Variants in NPC1 observed in about 807,000 individuals in gnomAD.
NPC1 encodes Niemann-Pick C1 protein.
NPC1 carries 85 observed loss-of-function variants against 140.4 expected under a neutral mutation model. The observed-to-expected ratio is 0.61, with a 90% CI of 0.51 to 0.72. The LOEUF is 0.72. Among genes scored for constraint, NPC1 ranks in the 30% least tolerant of loss-of-function variants. NPC1 has a pLI of 0.00. For missense variants in NPC1, 1,504 were observed against 1,623.8 expected (o/e 0.93, Z 1.27); for synonymous variants, 656 against 624.8 (o/e 1.05, Z -0.74).
At chr18:23,510,760 C>T (rs1022683381) in intron 3 of NPC1, among the ~76,000 whole-genome samples, 7 of 152,182 alleles carry the variant, frequency 4.6e-5, no homozygotes, top group African/African-American at 1.4e-4. Context: ...AAATGCAAAT[C>T]AAAACCACAA....
chr18:23,508,158 C>T (rs971558452), intron 3 of NPC1: 6 of 870,890 alleles, frequency 6.9e-6, no homozygotes, highest in African/African-American at 1.7e-5. Context: ...GACTGTCCCT[C>T]ATGTTGATTC....
intron 1 of NPC1, among the ~76,000 whole-genome samples, chr18:23,579,883 T>TAA (rs56198549): frequency 1.2e-3 from 176 of 143,998 alleles, no homozygotes; most frequent in East Asian, 3.1e-3. Context: ...AGACTCCATC[T>TAA]AAAAAAAAAA....
intron 21 of NPC1, among the ~76,000 whole-genome samples, 161 bp downstream of exon 21, chr18:23,536,512 G>T (rs574544096): frequency 1.6e-4 from 25 of 152,284 alleles, no homozygotes; most frequent in Admixed American, 1.6e-3. Flanking sequence ...GAACTCCTTT[G>T]CCCAGCACCC....
rs780358749 is a variant in NPC1, at chr18:23,560,500, TGA to T, written c.632-22_632-21del. On this transcript the variant is annotated intron_variant, in intron 5 of 24. Transcript: ENST00000269228. ...GAAAATCTACAGAAAGGAATTGTGT[TGA>T]GTACAAATCTCAATTAAAAACATCC... The T allele has an allele frequency of 6.2e-7, 1 of 1,613,692 alleles. No individual in the cohort carries two copies. The highest frequency in any genetic ancestry group is 2.2e-5 in the East Asian group (1 of 44,884).
intron 11 of NPC1, among the ~76,000 whole-genome samples, chr18:23,546,274 A>G (rs1273203099): frequency 1.3e-5 from 2 of 151,000 alleles, no homozygotes; most frequent in Admixed American, 6.6e-5. Flanking sequence ...AAAAAAAAAA[A>G]AAAGAAATGC....
At chr18:23,555,272 C>T (rs1264467739) in intron 8 of NPC1, among the ~76,000 whole-genome samples, 1 of 152,256 alleles carries the variant, frequency 6.6e-6, no homozygotes. Flanking sequence ...CTCCCCTCCA[C>T]CGTTCTCCAG....
At chr18:23,519,665 T>A (rs1355635964), downstream of NPC1, among the ~76,000 whole-genome samples, 2 of 152,194 alleles carry the variant, frequency 1.3e-5, no homozygotes, top group Non-Finnish European at 2.9e-5. Flanking sequence ...TAAAGATAAT[T>A]CAAAACTATT....
chr18:23,539,680 A>T, intron 18 of NPC1, 131 bp downstream of exon 18: 1 of 1,058,940 alleles, frequency 9.4e-7, no homozygotes, highest in African/African-American at 1.6e-5. Context: ...AGCCAGATTT[A>T]ACATACATTT....
intron 14 of NPC1, among the ~76,000 whole-genome samples, chr18:23,543,159 C>T (rs1158737175): frequency 6.6e-6 from 1 of 151,976 alleles, no homozygotes; most frequent in Non-Finnish European, 1.5e-5. Flanking sequence ...GAAACCCCAT[C>T]TCTATTAAAA....
intron 2 of NPC1, 131 bp from the exon 3 acceptor site, chr18:23,572,311 T>A: frequency 2.9e-6 from 2 of 680,300 alleles, no homozygotes; most frequent in Non-Finnish European, 5.4e-6. Flanking sequence ...CATCCTGTAT[T>A]TGCAAAGTTA....
chr18:23,507,878 A>C, intron 3 of NPC1: 1 of 907,638 alleles, frequency 1.1e-6, no homozygotes, highest in East Asian at 3.1e-5. Context: ...TTTTCTGGTC[A>C]CTTTTTAAGT....
intron 24 of NPC1, chr18:23,532,934 A>G: frequency 7.1e-6 from 7 of 985,364 alleles, no homozygotes; most frequent in Non-Finnish European, 8.4e-6. Context: ...CGAGATGAAG[A>G]AAGGCAGCAA....
chr18:23,524,630 T>C (rs1015779338), downstream of NPC1: 7 of 715,862 alleles, frequency 9.8e-6, no homozygotes, highest in African/African-American at 1.3e-4. Context: ...TTTCACTTTA[T>C]ACGTTTTTTA....
In NPC1 at chr18:23,541,055, G is replaced by C; in HGVS notation, c.2514+13C>G. ...AGTGAGAGGAAAGAGAAAAACCACA[G>C]ATAAGCGCATACCACAATTGGTCTC... On this transcript the variant is annotated intron_variant, in intron 16 of 24. Coordinates refer to ENST00000269228, the MANE Select transcript of NPC1 (RefSeq NM_000271.5). The C allele has an allele frequency of 6.2e-7, 1 of 1,614,032 alleles. No individual in the cohort carries two copies. The highest frequency in any genetic ancestry group is 1.3e-5 in the African/African-American group (1 of 75,022).
chr18:23,510,059 A>C (rs1788808), intron 3 of NPC1, among the ~76,000 whole-genome samples: 2 of 148,900 alleles, frequency 1.3e-5, no homozygotes, highest in African/African-American at 4.9e-5. Flanking sequence ...TTGGTGGCCC[A>C]TGCCTGTAAT....
intron 21 of NPC1, 62 bp from the exon 22 acceptor site, chr18:23,535,762 T>C: frequency 9.2e-7 from 1 of 1,086,676 alleles, no homozygotes; most frequent in African/African-American, 1.5e-5. Flanking sequence ...TGCGTGTTCA[T>C]CCTGTCACCA....
chr18:23,551,530 G>T, intron 10 of NPC1, 97 bp downstream of exon 10: 1 of 950,566 alleles, frequency 1.1e-6, no homozygotes, highest in South Asian at 1.3e-5. Context: ...TAACAAAACT[G>T]CCCAATTTAT....
In NPC1 at chr18:23,541,104, A is replaced by T; in HGVS notation, c.2478T>A (p.Ser826=). ...CLFRFFKNSY[S]PLLLKDWMRP... ...TCATCCAGTCCTTTAGCAGAAGTGG[A>T]GAATAGGAGTTTTTGAAGAAGCGAA... The change falls in exon 16 of 25, where the codon TCT becomes TCA. Residue 826 remains serine (S), a synonymous_variant. Transcript: ENST00000269228. 1.2e-6 allele frequency: 2 copies of T among 1,614,184 alleles called. No individual in the cohort carries two copies. Among genetic ancestry groups the T allele is most frequent in the East Asian group, 4.5e-5 (2 of 44,888 alleles).
At chr18:23,566,445 AAAT>A (rs1187803808) in intron 4 of NPC1, among the ~76,000 whole-genome samples, 8 of 152,228 alleles carry the variant, frequency 5.3e-5, no homozygotes, top group African/African-American at 1.7e-4. Flanking sequence ...AACTAAATAA[AAAT>A]AATAATGCAC....
Sources: allele counts gnomAD v4.1 joint callset (sites outside exome capture counted in the v4.1 genomes callset), GRCh38; gene constraint gnomAD v4.1.1; transcripts MANE v1.5; gene names NCBI Gene and HGNC (gene_info 2026-07-23, HGNC 2026-07-21).